The following GRHL2 variants were observed in gnomAD, a reference collection of about 807,000 sequenced individuals.
GRHL2 encodes grainyhead-like protein 2 homolog.
In GRHL2, 21 loss-of-function variants were observed where a neutral mutation model predicts 83.8. That is an observed-to-expected ratio of 0.25 (90% confidence interval 0.18 to 0.36). The LOEUF (loss-of-function observed/expected upper bound fraction) is 0.36. Ranked by LOEUF, GRHL2 falls within the 10% of genes least tolerant of loss-of-function variation. The probability of loss-of-function intolerance (pLI) is 1.00; values close to 1 mark genes in which losing one functional copy is unlikely to be tolerated. For synonymous variants in GRHL2, 280 were observed against 278.9 expected, an observed-to-expected ratio of 1.00 and a Z score of -0.04; for missense variants, 623 against 781.8, an observed-to-expected ratio of 0.80 and a Z score of 2.42.
chr8:101,637,551 A>G (rs551886717), intron 12 of GRHL2, among the ~76,000 whole-genome samples: 2 of 152,318 alleles, frequency 1.3e-5, no homozygotes, highest in East Asian at 1.9e-4. Flanking sequence ...AGTGCTTTCT[A>G]TCCATTAATT....
In GRHL2 at chr8:101,666,965, T is replaced by A. The variant is rs1016613981; in HGVS notation, c.*262T>A. On this transcript the variant is annotated 3_prime_UTR_variant, in exon 16 of 16. Transcript: ENST00000646743. ...TGGATTCCTATTTATTGCCCACCTT[T>A]TCCTGGAGCCCAGGTCCAGGCCCGC... The A allele has an allele frequency of 7.2e-6, 4 of 558,408 alleles. No homozygotes were observed. The highest frequency in any genetic ancestry group is 1.3e-5 in the Non-Finnish European group (4 of 310,260). The allele number at this position is 558,408 out of a possible 1,614,324, so 34.6% of individuals were successfully genotyped here.
At chr8:101,626,482 G>A (rs138845190) in intron 9 of GRHL2, among the ~76,000 whole-genome samples, 1,574 of 152,124 alleles carry the variant, frequency 0.01, 9 homozygotes, top group Non-Finnish European at 0.014. Context: ...TTTCGTGAAG[G>A]TTTTGTATTA....
chr8:101,603,616 A>G (rs1169822131), intron 8 of GRHL2, among the ~76,000 whole-genome samples: 1 of 152,226 alleles, frequency 6.6e-6, no homozygotes, highest in Non-Finnish European at 1.5e-5. Context: ...CCAGATTTGC[A>G]GTGTCCATTG....
chr8:101,580,134 A>G (rs1046553029), intron 7 of GRHL2, among the ~76,000 whole-genome samples: 1 of 152,138 alleles, frequency 6.6e-6, no homozygotes, highest in Non-Finnish European at 1.5e-5. Context: ...AGAGACCGAG[A>G]TGAGGGCCCC....
intron 7 of GRHL2, among the ~76,000 whole-genome samples, chr8:101,580,871 T>A (rs1812038679): frequency 6.6e-6 from 1 of 152,006 alleles, no homozygotes. Context: ...GCCCAGCTAA[T>A]TTTTTGTATT....
chr8:101,523,297 C>G (rs60544535), intron 1 of GRHL2, among the ~76,000 whole-genome samples: 2,883 of 151,794 alleles, frequency 0.019, 88 homozygotes, highest in African/African-American at 0.066. Flanking sequence ...ATAAAAACCT[C>G]TTTCCTTGGA....
chr8:101,547,198 G>A (rs904408069), intron 2 of GRHL2, among the ~76,000 whole-genome samples: 2 of 151,234 alleles, frequency 1.3e-5, no homozygotes, highest in African/African-American at 2.4e-5. Flanking sequence ...ACCTTTTTCT[G>A]TAGTCAAGTG....
chr8:101,674,470 A>T (rs1563639750), downstream of GRHL2, among the ~76,000 whole-genome samples: 1 of 152,306 alleles, frequency 6.6e-6, no homozygotes, highest in Non-Finnish European at 1.5e-5. Flanking sequence ...GAAATGGATA[A>T]ATTCCTCGAC....
chr8:101,541,391 T>A (rs1359426162), intron 1 of GRHL2, among the ~76,000 whole-genome samples: 1 of 151,704 alleles, frequency 6.6e-6, no homozygotes, highest in African/African-American at 2.4e-5. Flanking sequence ...CTTTGAAAAA[T>A]CTCCATACTG....
At chr8:101,498,262 G>C (rs1366061260) in intron 1 of GRHL2, among the ~76,000 whole-genome samples, 1 of 152,168 alleles carries the variant, frequency 6.6e-6, no homozygotes, top group Non-Finnish European at 1.5e-5. Context: ...GGGATTACAG[G>C]TGTGTGCTGC....
chr8:101,670,233 G>A (rs960402371), downstream of GRHL2, among the ~76,000 whole-genome samples: 1 of 152,164 alleles, frequency 6.6e-6, no homozygotes, highest in Non-Finnish European at 1.5e-5. Flanking sequence ...AGTATCTGCT[G>A]GGGTTTCCTT....
rs59759885 is a variant in GRHL2, at chr8:101,581,003, A to AT, written c.1003+3490dup. Reference sequence around the variant, plus strand: ...TAGGCGTAAGCCACTGCGTGCCACCATTTTTTAAAAAACAATTATTCGAAG... The same window carrying AT: ...TAGGCGTAAGCCACTGCGTGCCACCATTTTTTTAAAAAACAATTATTCGAAG... On this transcript the variant is annotated intron_variant, in intron 7 of 15. Transcript: ENST00000646743. Among the ~76,000 whole-genome samples the AT allele has an allele frequency of 2.3e-3, 345 of 152,268 alleles. 4 individuals carry two copies. In the East Asian group the frequency reaches 0.057, roughly 25 times the overall value.
At chr8:101,493,879 G>C (rs570472757) in intron 1 of GRHL2, among the ~76,000 whole-genome samples, 2 of 151,732 alleles carry the variant, frequency 1.3e-5, no homozygotes, top group Non-Finnish European at 2.9e-5. Flanking sequence ...CCCCCTGGCC[G>C]GCCCCCGCCC....
intron 1 of GRHL2, among the ~76,000 whole-genome samples, chr8:101,540,979 C>A (rs1015022186): frequency 2.0e-4 from 30 of 152,086 alleles, no homozygotes; most frequent in African/African-American, 7.2e-4. Context: ...TTTGCCTTTG[C>A]ATACCCATAG....
chr8:101,632,234 G>A lies in GRHL2; in HGVS notation c.1354G>A (p.Gly452Arg). 1.2e-6 allele frequency: 2 copies of A among 1,613,964 alleles called. No homozygotes were observed. The highest frequency in any genetic ancestry group is 1.7e-6 in the Non-Finnish European group (2 of 1,179,888). The part of the protein sequence containing the change: ...SQTQCNSSSD[G>R]KLAAIPLQKK... Reference sequence around the variant, plus strand: ...TGTGTGATCCCATCCAGCCTCTGATGGGAAGTTGGCTGCCATACCTTTACA... The same window carrying A: ...TGTGTGATCCCATCCAGCCTCTGATAGGAAGTTGGCTGCCATACCTTTACA... Residue 452 changes from glycine to arginine, a missense_variant, in exon 11 of 16, where the codon GGG becomes AGG. By Grantham distance (125) the Gly-to-Arg change is moderately radical. This residue lies in a region of GRHL2 where 210 missense variants were observed against 254.8 expected (regional missense o/e 0.82). Transcript: ENST00000646743.
rs571958657 is a variant in GRHL2, at chr8:101,555,943, G to A, written c.285-2476G>A. 2.0e-5 allele frequency among the ~76,000 whole-genome samples: 3 copies of A among 152,228 alleles called. No homozygotes were observed. In the East Asian group the frequency reaches 5.8e-4, roughly 29 times the overall value. On this transcript the variant is annotated intron_variant, in intron 3 of 15. Coordinates refer to ENST00000646743, the MANE Select transcript of GRHL2 (RefSeq NM_024915.4). ...TTCTTTACACACAGGAGCCAGAAGAGCCCAGTTCTTGGAAGAACATTTTTT... is the reference window on the plus strand; with the variant it reads ...TTCTTTACACACAGGAGCCAGAAGAACCCAGTTCTTGGAAGAACATTTTTT...
Position 101,543,340 on chromosome 8 carries a change from G to A in GRHL2, c.120G>A (p.Leu40=), listed in dbSNP as rs2130122500. ...TSEDEAWKSY[L]ENPLTAATKA... is the part of the protein sequence containing the mutation. ...AGGATGAAGCCTGGAAGTCATACTT[G>A]GAGAATCCCCTGACAGCAGCCACCA... The change falls in exon 2 of 16, where the codon TTG becomes TTA. Residue 40 remains leucine, a synonymous_variant. Coordinates refer to ENST00000646743, the MANE Select transcript of GRHL2 (RefSeq NM_024915.4). The A allele has an allele frequency of 6.2e-7, 1 of 1,614,118 alleles. No homozygotes were observed. Among genetic ancestry groups the A allele is most frequent in the Non-Finnish European group, 8.5e-7 (1 of 1,179,980 alleles).
chr8:101,577,070 C>T (rs1168830643), intron 6 of GRHL2, among the ~76,000 whole-genome samples: 1 of 150,922 alleles, frequency 6.6e-6, no homozygotes, highest in Non-Finnish European at 1.5e-5. Context: ...GTTTCCAATA[C>T]AAGAAAAAAA....
intron 8 of GRHL2, among the ~76,000 whole-genome samples, chr8:101,614,065 T>C (rs1291005872): frequency 4.0e-5 from 6 of 151,078 alleles, no homozygotes; most frequent in Admixed American, 3.9e-4. Context: ...CTTTAGGAGT[T>C]AATAATCAAG....
Sources: allele counts gnomAD v4.1 joint callset (sites outside exome capture counted in the v4.1 genomes callset), GRCh38; gene constraint gnomAD v4.1.1; regional missense constraint gnomAD v4.1.1; transcripts MANE v1.5; gene names NCBI Gene and HGNC (gene_info 2026-07-23, HGNC 2026-07-21).